Variants in PBX3 observed in about 807,000 individuals in gnomAD.
PBX3 encodes the protein pre-B-cell leukemia transcription factor 3.
PBX3 carries 14 observed loss-of-function variants against 48.5 expected under a neutral mutation model. The observed-to-expected ratio is 0.29, with a 90% CI of 0.19 to 0.45. The LOEUF is 0.45. Ranked by LOEUF, PBX3 falls within the 20% of genes least tolerant of loss-of-function variation. PBX3 has a pLI of 1.00. For missense variants in PBX3, 386 were observed against 546.7 expected (o/e 0.71, Z 2.93); for synonymous variants, 210 against 200.3 (o/e 1.05, Z -0.41).
In PBX3 at chr9:125,759,880, G is replaced by T. The variant is rs1836618338; in HGVS notation, c.274+11257G>T. 5.9e-5 allele frequency among the ~76,000 whole-genome samples: 9 copies of T among 152,158 alleles called. No homozygotes were observed. The highest frequency in any genetic ancestry group is 5.9e-4 in the Admixed American group (9 of 15,274). The stretch of plus-strand genomic sequence containing the variant: ...GAGGTGGTAAAATAGTTATCTTCAG[G>T]CAGTGGCAGCCAGGAGCTGCTTGAA... On this transcript the variant is annotated intron_variant, in intron 2 of 8. Transcript: ENST00000373489. This position sits in a 1 kb window ranked among gnomAD's most constrained non-coding sequence, Gnocchi z 4.2.
rs148087981 is a variant in PBX3, at chr9:125,750,519, C to T, written c.274+1896C>T. ...TCAACCACATGTCAAAGGTGAGTTA[C>T]GAAAAAGAAACAAATCTTTTCAAAG... On this transcript the variant is annotated intron_variant, in intron 2 of 8. Coordinates refer to ENST00000373489, the MANE Select transcript of PBX3 (RefSeq NM_006195.6). Among the ~76,000 whole-genome samples, 94 of 152,152 alleles carry T rather than the reference C, an allele frequency of 6.2e-4. No individual in the cohort carries two copies. In the East Asian group the frequency reaches 0.017, roughly 28 times the overall value.
intron 2 of PBX3, among the ~76,000 whole-genome samples, chr9:125,829,939 G>A (rs180772432): frequency 2.0e-5 from 3 of 152,226 alleles, no homozygotes; most frequent in African/African-American, 2.4e-5. Context: ...AGTTACCCAC[G>A]CAGCACTCAT....
chr9:125,943,851 T>G (rs1842013730), intron 5 of PBX3, among the ~76,000 whole-genome samples: 1 of 152,192 alleles, frequency 6.6e-6, no homozygotes, highest in South Asian at 2.1e-4. Context: ...GAAGGGTCAG[T>G]AGATCTCAAG....
At chr9:125,940,801 G>T (rs1004180827) in intron 5 of PBX3, among the ~76,000 whole-genome samples, 3 of 152,178 alleles carry the variant, frequency 2.0e-5, no homozygotes, top group African/African-American at 7.2e-5. Flanking sequence ...AACCTTGGGG[G>T]TTAGAAATCA....
intron 2 of PBX3, among the ~76,000 whole-genome samples, chr9:125,793,474 G>C (rs1837683688): frequency 6.7e-6 from 1 of 150,356 alleles, no homozygotes; most frequent in African/African-American, 2.5e-5. Context: ...CTGTCTGCCA[G>C]GTTGGAGTGC....
At chr9:125,870,043 T>TC (rs1364162426) in intron 2 of PBX3, among the ~76,000 whole-genome samples, 1 of 150,746 alleles carries the variant, frequency 6.6e-6, no homozygotes, top group African/African-American at 2.5e-5. Flanking sequence ...TTTTTTTTTT[T>TC]CTGAGACGGT....
chr9:125,928,096 T>C (rs1169505047), intron 3 of PBX3, among the ~76,000 whole-genome samples: 3 of 151,686 alleles, frequency 2.0e-5, no homozygotes, highest in African/African-American at 7.3e-5. Flanking sequence ...GGCAGGAGAA[T>C]TGCTTAAACT....
At chr9:125,938,798 A>G (rs1198250104) in intron 5 of PBX3, among the ~76,000 whole-genome samples, 1 of 152,226 alleles carries the variant, frequency 6.6e-6, no homozygotes, top group South Asian at 2.1e-4. Flanking sequence ...AAACCATACC[A>G]TAAAAGATAT....
chr9:125,805,598 T>A (rs1244551750), intron 2 of PBX3, among the ~76,000 whole-genome samples: 3 of 152,112 alleles, frequency 2.0e-5, no homozygotes, highest in Non-Finnish European at 4.4e-5. Flanking sequence ...GATAAATGGA[T>A]GGATTAATGA....
At chr9:125,855,825 A>G (rs1839705913) in intron 2 of PBX3, among the ~76,000 whole-genome samples, 1 of 152,146 alleles carries the variant, frequency 6.6e-6, no homozygotes, top group Admixed American at 6.6e-5. Flanking sequence ...CTGGGAAATC[A>G]TACTGATCAA....
chr9:125,780,956 C>G (rs1240315848), intron 2 of PBX3, among the ~76,000 whole-genome samples: 1 of 113,016 alleles, frequency 8.8e-6, no homozygotes, highest in Admixed American at 9.1e-5. Context: ...ACCTCCCAGA[C>G]GGGGTTGCGG....
At chr9:125,820,220 T>C (rs1048718162) in intron 2 of PBX3, among the ~76,000 whole-genome samples, 20 of 152,228 alleles carry the variant, frequency 1.3e-4, no homozygotes, top group African/African-American at 4.8e-4. Context: ...TTTGACTTAC[T>C]GGATATTTAA....
At chr9:125,782,115 A>G (rs535920564) in intron 2 of PBX3, among the ~76,000 whole-genome samples, 24 of 152,294 alleles carry the variant, frequency 1.6e-4, no homozygotes, top group African/African-American at 5.8e-4. Context: ...CATACCCAAG[A>G]GTGAGCAATT....
chr9:125,926,940 T>C (rs976666011), intron 3 of PBX3, among the ~76,000 whole-genome samples: 1 of 152,270 alleles, frequency 6.6e-6, no homozygotes, highest in Non-Finnish European at 1.5e-5. Flanking sequence ...CATTGCTTAA[T>C]GTTTTACTGT....
intron 2 of PBX3, among the ~76,000 whole-genome samples, chr9:125,817,081 T>TC (rs1166198897): frequency 1.3e-5 from 2 of 152,336 alleles, no homozygotes; most frequent in East Asian, 3.9e-4. Context: ...CCAAAATCAG[T>TC]CATGAAACTA....
intron 5 of PBX3, among the ~76,000 whole-genome samples, chr9:125,957,606 T>C (rs1226877344): frequency 6.6e-6 from 1 of 152,238 alleles, no homozygotes; most frequent in Admixed American, 6.5e-5. Context: ...AAACTGTTAA[T>C]AAAGCTGTAA....
chr9:125,793,641 A>G (rs1837689268), intron 2 of PBX3, among the ~76,000 whole-genome samples: 1 of 151,542 alleles, frequency 6.6e-6, no homozygotes, highest in Non-Finnish European at 1.5e-5. Flanking sequence ...TTTTGGCCAG[A>G]CTGGTCTTGA....
intron 2 of PBX3, among the ~76,000 whole-genome samples, chr9:125,757,569 A>G (rs1836553475): frequency 6.6e-6 from 1 of 152,096 alleles, no homozygotes; most frequent in African/African-American, 2.4e-5. Flanking sequence ...GGCATATTTT[A>G]TTTTTCTTTT....
chr9:125,757,237 C>A (rs1229556205), intron 2 of PBX3, among the ~76,000 whole-genome samples: 1 of 151,506 alleles, frequency 6.6e-6, no homozygotes, highest in Non-Finnish European at 1.5e-5. Context: ...GGTGGTCTTA[C>A]AAGTTTCATT....
Sources: gnomAD v4.1 joint callset for allele counts (sites outside exome capture counted in the v4.1 genomes callset) on GRCh38, gnomAD v4.1.1 for gene constraint, Gnocchi (gnomAD v3.1) non-coding constraint, MANE v1.5 for transcripts, NCBI Gene and HGNC (gene_info 2026-07-23, HGNC 2026-07-21) for gene names.